Variants in ZBTB7C observed in about 807,000 individuals in gnomAD.
ZBTB7C encodes zinc finger and BTB domain containing 7C, also known as zinc finger and BTB domain-containing protein 7C.
A neutral mutation model predicts 25.7 loss-of-function variants in ZBTB7C; 8 were observed. The observed-to-expected ratio is 0.31, with a 90% CI of 0.18 to 0.56. ZBTB7C has a LOEUF of 0.56. Ranked by LOEUF, ZBTB7C falls within the 20% of genes least tolerant of loss-of-function variation. ZBTB7C has a pLI of 0.91. For missense variants in ZBTB7C, 824 were observed against 855.2 expected, an observed-to-expected ratio of 0.96 and a Z score of 0.46; for synonymous variants, 394 against 369.0, an observed-to-expected ratio of 1.07 and a Z score of -0.78.
At chr18:48,179,318 G>A (rs2041800955) in intron 3 of ZBTB7C, among the ~76,000 whole-genome samples, 1 of 152,204 alleles carries the variant, frequency 6.6e-6, no homozygotes, top group South Asian at 2.1e-4. Context: ...GCTGAGCAAG[G>A]CTTGTGCCTG....
At position 48,177,545 on chromosome 18, in the gene ZBTB7C, A is replaced by T. The variant is rs771040678; in HGVS notation, c.-17+8389T>A. Among the ~76,000 whole-genome samples the T allele has an allele frequency of 3.9e-5, 6 of 152,032 alleles. No homozygotes were observed. The South Asian group carries it at 6.2e-4, about 16-fold the overall frequency. ...CAAAAGGAACTATAATTCCTGGCCA[A>T]CAGGAGGGTGTGTGCGTGTGTGTGT... On this transcript the variant is annotated intron_variant, in intron 3 of 4. Transcript: ENST00000590800.
intron 1 of ZBTB7C, among the ~76,000 whole-genome samples, chr18:48,351,762 C>T (rs2046867676): frequency 6.6e-6 from 1 of 152,170 alleles, no homozygotes; most frequent in Non-Finnish European, 1.5e-5. Context: ...TTCACAGCAG[C>T]CAGAGCCAGG....
chr18:48,407,762 T>G (rs2048313475), intron 1 of ZBTB7C, among the ~76,000 whole-genome samples: 1 of 152,154 alleles, frequency 6.6e-6, no homozygotes, highest in South Asian at 2.1e-4. Context: ...CATGTACTTG[T>G]GGGGGCAGGG....
chr18:48,092,718 G>A (rs898701842), intron 3 of ZBTB7C, among the ~76,000 whole-genome samples: 1 of 152,224 alleles, frequency 6.6e-6, no homozygotes, highest in Non-Finnish European at 1.5e-5. Flanking sequence ...ATATGCAGAT[G>A]AAAGGCCTTG....
chr18:48,339,323 C>T (rs111261874), intron 1 of ZBTB7C, among the ~76,000 whole-genome samples: 5,015 of 152,274 alleles, frequency 0.033, 118 homozygotes, highest in South Asian at 0.12. Context: ...GAGAAGAGAC[C>T]GTGGCAGACG....
rs1318067997 is a variant in ZBTB7C at position 48,183,660 on chromosome 18, C to T, written c.-17+2274G>A. On this transcript the variant is annotated intron_variant, in intron 3 of 4. Transcript: ENST00000590800. ...GAATAAAAGCAATTGATGCCCTGCC[C>T]AGGTCTCTGTACCTACTCCCCAGCT... 2.0e-5 allele frequency among the ~76,000 whole-genome samples: 3 copies of T among 152,294 alleles called. No individual in the cohort carries two copies. In the East Asian group the frequency reaches 5.8e-4, roughly 29 times the overall value.
chr18:48,139,601 G>A (rs2040279081), intron 3 of ZBTB7C, among the ~76,000 whole-genome samples: 1 of 152,148 alleles, frequency 6.6e-6, no homozygotes, highest in South Asian at 2.1e-4. Flanking sequence ...GCAGTGGACA[G>A]TGAATGCCAC....
intron 2 of ZBTB7C, among the ~76,000 whole-genome samples, chr18:48,300,134 T>G (rs191585494): frequency 0.012 from 1,869 of 152,290 alleles, 22 homozygotes; most frequent in Middle Eastern, 0.058. Context: ...AGGTTCTAAC[T>G]TCATTCTGTA....
At chr18:48,134,932 C>T (rs2040099632) in intron 3 of ZBTB7C, among the ~76,000 whole-genome samples, 1 of 152,224 alleles carries the variant, frequency 6.6e-6, no homozygotes, top group Admixed American at 6.5e-5. Flanking sequence ...CACTGCATCC[C>T]CTTGAACCAG....
chr18:48,039,767 C>T, intron 4 of ZBTB7C, 133 bp downstream of exon 4: 1 of 930,846 alleles, frequency 1.1e-6, no homozygotes, highest in Non-Finnish European at 1.7e-6. Context: ...CCTAGCACCC[C>T]TGCTAGCCAC....
chr18:48,115,652 A>G (rs1414762653), intron 3 of ZBTB7C, among the ~76,000 whole-genome samples: 1 of 152,178 alleles, frequency 6.6e-6, no homozygotes, highest in Non-Finnish European at 1.5e-5. Context: ...GGCTATCGGG[A>G]ATAATGCTGC....
Position 48,029,416 on chromosome 18 carries a change from C to T in ZBTB7C, c.1704G>A (p.Arg568=). 6.3e-7 allele frequency: 1 copy of T among 1,581,084 alleles called. No homozygotes were observed. The highest frequency in any genetic ancestry group is 8.6e-7 in the Non-Finnish European group (1 of 1,167,504). ...LFGRAQLEAE[R]NAGGLLAFAL... is the part of the protein sequence containing the mutation. ...CGAAGGCCAGGAGGCCCCCCGCGTT[C>T]CTCTCAGCCTCCAGCTGCGCGCGCC... Residue 568 remains arginine (R), a synonymous_variant, in exon 5 of 5, where the codon AGG becomes AGA. Transcript: ENST00000590800.
At chr18:48,169,987 C>T (rs2041412320) in intron 3 of ZBTB7C, 1 of 152,198 alleles carries the variant, frequency 6.6e-6, no homozygotes, top group African/African-American at 2.4e-5. Flanking sequence ...CATCTACTCT[C>T]CCACCCCTCA....
chr18:48,201,165 C>T (rs1389922527), intron 2 of ZBTB7C, among the ~76,000 whole-genome samples: 1 of 152,190 alleles, frequency 6.6e-6, no homozygotes, highest in Non-Finnish European at 1.5e-5. Flanking sequence ...CATGGCTTCC[C>T]CCTCTCCATG....
At chr18:48,089,033 C>T (rs896459613) in intron 3 of ZBTB7C, among the ~76,000 whole-genome samples, 12 of 152,118 alleles carry the variant, frequency 7.9e-5, no homozygotes, top group Non-Finnish European at 1.5e-4. Flanking sequence ...TGCATGCACC[C>T]TCCCTGAGCC....
chr18:48,327,780 C>T (rs1307447697), intron 2 of ZBTB7C, among the ~76,000 whole-genome samples: 1 of 148,968 alleles, frequency 6.7e-6, no homozygotes, highest in African/African-American at 2.6e-5. Context: ...AACAGCAAAT[C>T]AATTAAAAGT....
intron 1 of ZBTB7C, among the ~76,000 whole-genome samples, chr18:48,399,082 C>G (rs928402661): frequency 3.3e-5 from 5 of 152,190 alleles, no homozygotes; most frequent in Non-Finnish European, 5.9e-5. Flanking sequence ...GTCAGACAGT[C>G]AGATATCTCC....
At chr18:48,380,062 G>C (rs546087739) in intron 1 of ZBTB7C, among the ~76,000 whole-genome samples, 2 of 152,138 alleles carry the variant, frequency 1.3e-5, no homozygotes, top group Non-Finnish European at 2.9e-5. Flanking sequence ...CTTAATGTAC[G>C]AAAATTGTTT....
intron 2 of ZBTB7C, among the ~76,000 whole-genome samples, chr18:48,198,147 A>G (rs1034952727): frequency 1.2e-4 from 19 of 152,218 alleles, no homozygotes; most frequent in Admixed American, 1.1e-3. Flanking sequence ...TTATTTACAC[A>G]TAAACTGACT....
Sources: allele counts gnomAD v4.1 joint callset (sites outside exome capture counted in the v4.1 genomes callset), GRCh38; gene constraint gnomAD v4.1.1; transcripts MANE v1.5; gene names NCBI Gene and HGNC (gene_info 2026-07-23, HGNC 2026-07-21).